The following PLPP4 variants were observed in gnomAD, a reference collection of about 807,000 sequenced individuals.
The protein encoded by PLPP4 is phospholipid phosphatase 4.
Under a neutral mutation model 32.2 loss-of-function variants are expected in PLPP4, and 20 were observed. The ratio of observed to expected loss-of-function variants is 0.62; its 90% confidence interval spans 0.44 to 0.90. PLPP4 has a LOEUF of 0.90. Among genes scored for constraint, PLPP4 ranks in the 40% least tolerant of loss-of-function variants. The pLI is 0.00. For synonymous variants in PLPP4, 127 were observed against 133.0 expected (o/e 0.95, Z 0.31); for missense variants, 257 against 353.1 (o/e 0.73, Z 2.18).
chr10:120,517,583 G>T (rs1011397598), intron 3 of PLPP4, among the ~76,000 whole-genome samples: 1 of 152,202 alleles, frequency 6.6e-6, no homozygotes, highest in African/African-American at 2.4e-5. Context: ...CTCCAAGTCT[G>T]TGGCCTGTCC....
chr10:120,488,773 G>C (rs774056176), intron 1 of PLPP4, among the ~76,000 whole-genome samples: 2 of 152,066 alleles, frequency 1.3e-5, no homozygotes, highest in Non-Finnish European at 2.9e-5. Flanking sequence ...CCTCACCTCA[G>C]TGTGCTCTTG....
intron 5 of PLPP4, among the ~76,000 whole-genome samples, chr10:120,544,430 C>T (rs1224873563): frequency 1.3e-5 from 2 of 152,186 alleles, no homozygotes; most frequent in Non-Finnish European, 2.9e-5. Context: ...GCAAGTTGCC[C>T]ATTCCTGCTG....
At chr10:120,530,328 T>G (rs56369072) in intron 5 of PLPP4, among the ~76,000 whole-genome samples, 21,032 of 152,176 alleles carry the variant, frequency 0.14, 1,817 homozygotes, top group South Asian at 0.22. Context: ...CAGGGTTTTT[T>G]TTTGTTTGTT....
intron 6 of PLPP4, among the ~76,000 whole-genome samples, chr10:120,586,739 A>G (rs895619153): frequency 1.3e-5 from 2 of 152,208 alleles, no homozygotes; most frequent in African/African-American, 4.8e-5. Context: ...AGCCAACCCT[A>G]ATAGAGTTTT....
rs750921046 is a variant in PLPP4, at chr10:120,589,396, C to T, written c.710C>T (p.Pro237Leu). Residue 237 changes from proline to leucine, a missense_variant, in exon 7 of 7, where the codon CCC becomes CTC. Physicochemically the swap from Pro to Leu is moderately conservative, Grantham distance 98. Coordinates refer to ENST00000398250, the MANE Select transcript of PLPP4 (RefSeq NM_001030059.3). ...CTGGCCAACACAGCTTGCCATAAAC[C>T]CTACGTTAGTCTGCGAGTCCCAGCC... ...PPLANTACHK[P>L]YVSLRVPASL... 3 of 1,614,088 alleles carry T rather than the reference C, an allele frequency of 1.9e-6. No individual in the cohort carries two copies. Among genetic ancestry groups the T allele is most frequent in the Non-Finnish European group, 8.5e-7 (1 of 1,180,024 alleles).
intron 2 of PLPP4, among the ~76,000 whole-genome samples, chr10:120,506,302 T>A (rs1312400852): frequency 2.0e-5 from 3 of 152,206 alleles, no homozygotes; most frequent in African/African-American, 4.8e-5. Flanking sequence ...ACATTTATAA[T>A]ACCTATAACA....
chr10:120,581,373 C>A lies in PLPP4; in HGVS notation c.616+6072C>A, dbSNP rs141126377. ...GTTGTTGCCTGAATCATTGCAGAAGCCTCTCAGCCTGGCTCCCTCCTTCCT... is the reference window on the plus strand; with the variant it reads ...GTTGTTGCCTGAATCATTGCAGAAGACTCTCAGCCTGGCTCCCTCCTTCCT... On this transcript the variant is annotated intron_variant, in intron 6 of 6. Transcript: ENST00000398250. The A allele has an allele frequency of 7.8e-6, 7 of 893,272 alleles. No individual in the cohort carries two copies. In the African/African-American group the frequency reaches 9.0e-5, roughly 12 times the overall value. 55.3% of individuals were successfully genotyped at this position (893,272 alleles called of 1,614,324 possible). A position where few individuals can be genotyped will look rare whatever the true frequency, so the allele number is the denominator to read the frequency against.
intron 5 of PLPP4, among the ~76,000 whole-genome samples, chr10:120,528,077 T>G (rs1034042752): frequency 2.9e-5 from 4 of 139,858 alleles, no homozygotes; most frequent in South Asian, 2.5e-4. Context: ...CCGTTTTTTT[T>G]TTTTTTTTTT....
At chr10:120,487,543 T>C (rs1000089551) in intron 1 of PLPP4, among the ~76,000 whole-genome samples, 1 of 152,232 alleles carries the variant, frequency 6.6e-6, no homozygotes, top group African/African-American at 2.4e-5. Flanking sequence ...TACTATTAGC[T>C]TCCTTTTATC....
chr10:120,588,832 G>A (rs1336229777), intron 6 of PLPP4, among the ~76,000 whole-genome samples: 1 of 152,180 alleles, frequency 6.6e-6, no homozygotes, highest in Non-Finnish European at 1.5e-5. Flanking sequence ...GATCACATGA[G>A]GTCAGGAGTT....
intron 1 of PLPP4, among the ~76,000 whole-genome samples, chr10:120,498,670 T>C (rs1845086205): frequency 6.6e-6 from 1 of 151,288 alleles, no homozygotes; most frequent in Admixed American, 6.6e-5. Context: ...TTTTTTTTCT[T>C]TTTTTTTTGA....
chr10:120,532,470 A>G (rs927138017), intron 5 of PLPP4, among the ~76,000 whole-genome samples: 3 of 147,806 alleles, frequency 2.0e-5, no homozygotes, highest in African/African-American at 7.3e-5. Context: ...AATTTCACAT[A>G]TGATTCAATT....
chr10:120,581,677 T>C (rs1283723586), intron 6 of PLPP4, among the ~76,000 whole-genome samples: 1 of 152,124 alleles, frequency 6.6e-6, no homozygotes, highest in Non-Finnish European at 1.5e-5. Context: ...ACCTTGTGCC[T>C]GGAATGCTCT....
intron 1 of PLPP4, among the ~76,000 whole-genome samples, chr10:120,499,581 G>T (rs1159493980): frequency 6.6e-6 from 1 of 152,112 alleles, no homozygotes; most frequent in Non-Finnish European, 1.5e-5. Flanking sequence ...TTTTTAACAA[G>T]ATCCCACATG....
chr10:120,484,901 A>G (rs1264351741), intron 1 of PLPP4, among the ~76,000 whole-genome samples: 1 of 152,202 alleles, frequency 6.6e-6, no homozygotes, highest in Non-Finnish European at 1.5e-5. Context: ...TAATCACATG[A>G]GTCCTTAAAA....
At chr10:120,574,574 G>C (rs993870788) in intron 5 of PLPP4, among the ~76,000 whole-genome samples, 1 of 152,138 alleles carries the variant, frequency 6.6e-6, no homozygotes, top group Admixed American at 6.6e-5. Flanking sequence ...CTCTTTTGTA[G>C]CATTTGCTGG....
At chr10:120,584,600 A>G (rs772348281) in intron 6 of PLPP4, among the ~76,000 whole-genome samples, 1 of 152,216 alleles carries the variant, frequency 6.6e-6, no homozygotes, top group Non-Finnish European at 1.5e-5. Flanking sequence ...GGCAAAGTTA[A>G]TCCCAAGTGT....
intron 1 of PLPP4, among the ~76,000 whole-genome samples, chr10:120,463,726 C>T (rs1848182540): frequency 6.6e-6 from 1 of 152,152 alleles, no homozygotes; most frequent in Non-Finnish European, 1.5e-5. Context: ...CTCTCTGTTG[C>T]CCAGGCTGGA....
intron 5 of PLPP4, among the ~76,000 whole-genome samples, chr10:120,565,928 T>C (rs1848672115): frequency 6.6e-6 from 1 of 152,170 alleles, no homozygotes; most frequent in African/African-American, 2.4e-5. Flanking sequence ...TATCTTTCAA[T>C]TTGCTAATTC....
Sources: allele counts gnomAD v4.1 joint callset (sites outside exome capture counted in the v4.1 genomes callset), GRCh38; gene constraint gnomAD v4.1.1; transcripts MANE v1.5; gene names NCBI Gene and HGNC (gene_info 2026-07-23, HGNC 2026-07-21).